Variants in NTNG1 observed in about 807,000 individuals in gnomAD.
NTNG1 encodes netrin-G1.
In NTNG1, 16 loss-of-function variants were observed where a neutral mutation model predicts 54.0. The observed-to-expected ratio is 0.30, with a 90% CI of 0.20 to 0.45. The LOEUF (loss-of-function observed/expected upper bound fraction) is 0.45, where lower values mean the gene tolerates loss of function less well. Among genes scored for constraint, NTNG1 ranks in the 20% least tolerant of loss-of-function variants. The probability of loss-of-function intolerance (pLI) is 1.00; values close to 1 mark genes in which losing one functional copy is unlikely to be tolerated. For synonymous variants in NTNG1, 255 were observed against 263.1 expected (o/e 0.97, Z 0.30); for missense variants, 530 against 678.7 (o/e 0.78, Z 2.43).
At chr1:107,428,627 G>A (rs1408857579) in intron 5 of NTNG1, among the ~76,000 whole-genome samples, 1 of 152,068 alleles carries the variant, frequency 6.6e-6, no homozygotes, top group East Asian at 1.9e-4. Flanking sequence ...GGAATTCCAG[G>A]CAGTTCTCAA....
intron 7 of NTNG1, among the ~76,000 whole-genome samples, chr1:107,464,058 C>A (rs1178103125): frequency 6.6e-6 from 1 of 152,092 alleles, no homozygotes; most frequent in Non-Finnish European, 1.5e-5. Context: ...ATGTAATGAC[C>A]TTGCCCTTAA....
chr1:107,314,629 T>C (rs1295173563), intron 2 of NTNG1, among the ~76,000 whole-genome samples: 2 of 152,172 alleles, frequency 1.3e-5, no homozygotes, highest in African/African-American at 4.8e-5. Context: ...CACTTTTAAA[T>C]ACCTCTGTAA....
chr1:107,372,388 A>G (rs1243721817), intron 3 of NTNG1, among the ~76,000 whole-genome samples: 1 of 152,004 alleles, frequency 6.6e-6, no homozygotes, highest in Non-Finnish European at 1.5e-5. Flanking sequence ...CAGTTCAAAA[A>G]TCTCAAAAGG....
chr1:107,319,532 G>A (rs1294320383), intron 2 of NTNG1, among the ~76,000 whole-genome samples: 1 of 152,106 alleles, frequency 6.6e-6, no homozygotes, highest in East Asian at 1.9e-4. Flanking sequence ...CAGGTTGGGA[G>A]TGCCATTCCA....
chr1:107,144,444 T>C (rs1436376003), intron 1 of NTNG1, among the ~76,000 whole-genome samples: 1 of 152,104 alleles, frequency 6.6e-6, no homozygotes, highest in African/African-American at 2.4e-5. Context: ...TATAATAAAA[T>C]GAATGCTGAA....
Position 107,324,939 on chromosome 1 carries a change from C to T in NTNG1, c.887+17C>T. The T allele has an allele frequency of 6.3e-7, 1 of 1,595,480 alleles. No homozygotes were observed. Among genetic ancestry groups the T allele is most frequent in the Non-Finnish European group, 8.5e-7 (1 of 1,169,656 alleles). ...GCGAGGAAGGTAAGAGAAAATCTGTCTGCCTTCAATGGGAACGGGTGTGTC... is the reference window on the plus strand; with the variant it reads ...GCGAGGAAGGTAAGAGAAAATCTGTTTGCCTTCAATGGGAACGGGTGTGTC... On this transcript the variant is annotated intron_variant, in intron 3 of 7. Transcript: ENST00000370068.
At chr1:107,432,071 C>G (rs758630659) in intron 6 of NTNG1, among the ~76,000 whole-genome samples, 54 of 152,208 alleles carry the variant, frequency 3.5e-4, no homozygotes, top group Middle Eastern at 3.4e-3. Flanking sequence ...CAGAGCATCT[C>G]CTTATTTATT....
intron 6 of NTNG1, 44 bp from the exon 7 acceptor site, chr1:107,436,611 ACCTGTAAGCC>A: frequency 6.5e-7 from 1 of 1,538,026 alleles, no homozygotes; most frequent in Non-Finnish European, 8.8e-7. Context: ...TGTGTTGATA[ACCTGTAAGCC>A]ATGCAGACTT....
At position 107,480,711 on chromosome 1, in the gene NTNG1, C is replaced by A; in HGVS notation, c.1491C>A (p.Cys497Ter). The change falls in exon 8 of 8, where the codon TGC becomes TGA. Residue 497 changes from cysteine to a stop codon, truncating the protein, a stop_gained. Coordinates refer to ENST00000370068, the MANE Select transcript of NTNG1 (RefSeq NM_001113226.3). LOFTEE classifies it high-confidence loss of function. The stretch of plus-strand genomic sequence containing the variant: ...CGGCCGCATACACGGGCATCCTCTG[C>A]GAGAAGCTGCGGTGCGAGGAGGCTG... ...LCPAAYTGIL[C>*]EKLRCEEAGS... is the part of the protein sequence containing the mutation. 6.2e-7 allele frequency: 1 copy of A among 1,611,276 alleles called. No individual in the cohort carries two copies. The highest frequency in any genetic ancestry group is 8.5e-7 in the Non-Finnish European group (1 of 1,179,584).
rs147910431 is a variant in NTNG1, at chr1:107,372,339, CT to C, written c.888-22814del. Among the ~76,000 whole-genome samples the C allele has an allele frequency of 4.1e-4, 63 of 151,970 alleles. 1 individual carries two copies. The East Asian group carries it at 0.012, about 29-fold the overall frequency. ...GTGCTATAAATTTCCTCCCTAAGTACTGTTTTAGTACTGTTTCAAAAATTTT... is the reference window on the plus strand; with the variant it reads ...GTGCTATAAATTTCCTCCCTAAGTACGTTTTAGTACTGTTTCAAAAATTTT... On this transcript the variant is annotated intron_variant, in intron 3 of 7. Coordinates refer to ENST00000370068, the MANE Select transcript of NTNG1 (RefSeq NM_001113226.3).
At chr1:107,440,924 A>G (rs980962504) in intron 7 of NTNG1, among the ~76,000 whole-genome samples, 2 of 152,136 alleles carry the variant, frequency 1.3e-5, no homozygotes, top group African/African-American at 2.4e-5. Flanking sequence ...TTTAGACAGC[A>G]TAGAACAAAT....
At chr1:107,475,219 A>G (rs532085163) in intron 7 of NTNG1, among the ~76,000 whole-genome samples, 33 of 152,308 alleles carry the variant, frequency 2.2e-4, no homozygotes, top group African/African-American at 7.5e-4. Context: ...AAAGTCAGCT[A>G]TGTTTTGAGG....
At chr1:107,218,306 T>C (rs780328102) in intron 2 of NTNG1, among the ~76,000 whole-genome samples, 4 of 152,206 alleles carry the variant, frequency 2.6e-5, no homozygotes, top group Non-Finnish European at 4.4e-5. Context: ...GCATGGAATA[T>C]CTTTTTCCAT....
chr1:107,223,489 T>C (rs1354841711), intron 2 of NTNG1, among the ~76,000 whole-genome samples: 1 of 152,138 alleles, frequency 6.6e-6, no homozygotes, highest in Non-Finnish European at 1.5e-5. Flanking sequence ...GGGTGTTCCT[T>C]ACTAATAGAA....
intron 2 of NTNG1, among the ~76,000 whole-genome samples, chr1:107,184,197 C>T (rs1299533051): frequency 6.6e-6 from 1 of 152,096 alleles, no homozygotes; most frequent in Non-Finnish European, 1.5e-5. Context: ...ATGCAGTTCT[C>T]CTAGCATGGC....
chr1:107,169,598 T>G (rs566838203), intron 2 of NTNG1, among the ~76,000 whole-genome samples: 5 of 152,150 alleles, frequency 3.3e-5, no homozygotes, highest in Admixed American at 2.6e-4. Flanking sequence ...AAATCCTGAA[T>G]TTTTATAAAA....
intron 2 of NTNG1, among the ~76,000 whole-genome samples, chr1:107,172,039 A>G (rs1216758013): frequency 6.6e-6 from 1 of 152,148 alleles, no homozygotes; most frequent in Non-Finnish European, 1.5e-5. Context: ...CAGTTTGACA[A>G]TCTAGCATAT....
intron 2 of NTNG1, among the ~76,000 whole-genome samples, chr1:107,298,119 G>T (rs1372653726): frequency 6.6e-6 from 1 of 151,994 alleles, no homozygotes; most frequent in Non-Finnish European, 1.5e-5. Flanking sequence ...CTCAACAAAT[G>T]GATCAAAATT....
intron 3 of NTNG1, among the ~76,000 whole-genome samples, chr1:107,381,404 G>A (rs936913073): frequency 9.8e-5 from 13 of 132,070 alleles, no homozygotes; most frequent in African/African-American, 3.4e-4. Flanking sequence ...AATTTGTTTC[G>A]TAAGCATTGC....
Sources: allele counts gnomAD v4.1 joint callset (sites outside exome capture counted in the v4.1 genomes callset), GRCh38; gene constraint gnomAD v4.1.1; transcripts MANE v1.5; gene names NCBI Gene and HGNC (gene_info 2026-07-23, HGNC 2026-07-21).